IQGAP2: variants seen among roughly 807,000 people sequenced by gnomAD.
IQGAP2 encodes ras GTPase-activating-like protein IQGAP2.
A neutral mutation model predicts 201.3 loss-of-function variants in IQGAP2; 173 were observed. The ratio of observed to expected loss-of-function variants is 0.86; its 90% confidence interval spans 0.76 to 0.98. The LOEUF (loss-of-function observed/expected upper bound fraction) is 0.98, where lower values mean the gene tolerates loss of function less well. Ranked by LOEUF, IQGAP2 falls within the 50% of genes least tolerant of loss-of-function variation. The probability of loss-of-function intolerance (pLI) is 0.00; values close to 1 mark genes in which losing one functional copy is unlikely to be tolerated. For synonymous variants in IQGAP2, 675 were observed against 673.9 expected (o/e 1.00, Z -0.03); for missense variants, 1,687 against 1,864.8 (o/e 0.90, Z 1.76).
At chr5:76,565,792 T>C (rs1006889936) in intron 3 of IQGAP2, among the ~76,000 whole-genome samples, 3 of 152,200 alleles carry the variant, frequency 2.0e-5, no homozygotes, top group African/African-American at 7.2e-5. Flanking sequence ...ATACTCAGTA[T>C]GCTGAGTGTG....
intron 29 of IQGAP2, 25 bp from the exon 30 acceptor site, chr5:76,683,751 A>T: frequency 6.3e-7 from 1 of 1,595,666 alleles, no homozygotes; most frequent in Non-Finnish European, 8.5e-7. Flanking sequence ...AATTGGAAAA[A>T]TAACACTAGG....
intron 2 of IQGAP2, among the ~76,000 whole-genome samples, chr5:76,501,070 T>C (rs1490777671): frequency 6.6e-6 from 1 of 151,162 alleles, no homozygotes; most frequent in Non-Finnish European, 1.5e-5. Context: ...GACCATTAAA[T>C]GTGATGATGA....
chr5:76,514,513 A>T (rs1245444719), intron 2 of IQGAP2, among the ~76,000 whole-genome samples: 1 of 152,122 alleles, frequency 6.6e-6, no homozygotes, highest in Non-Finnish European at 1.5e-5. Flanking sequence ...ACCTCCTGCC[A>T]TCAGATTAAT....
intron 2 of IQGAP2, among the ~76,000 whole-genome samples, chr5:76,502,961 T>C (rs1280462412): frequency 2.0e-5 from 3 of 151,318 alleles, no homozygotes; most frequent in Non-Finnish European, 4.4e-5. Flanking sequence ...CCCAGGCTAG[T>C]CTTGAACTGC....
chr5:76,564,341 C>A (rs1397815325), intron 3 of IQGAP2, among the ~76,000 whole-genome samples: 1 of 152,158 alleles, frequency 6.6e-6, no homozygotes, highest in African/African-American at 2.4e-5. Flanking sequence ...TCAGTACCAA[C>A]ACGTATGTAG....
chr5:76,675,812 C>G (rs1438071755), intron 27 of IQGAP2, among the ~76,000 whole-genome samples: 1 of 152,018 alleles, frequency 6.6e-6, no homozygotes, highest in East Asian at 1.9e-4. Context: ...GCCCCAAATC[C>G]TCCTACTACA....
chr5:76,618,909 C>T (rs1749304006), intron 13 of IQGAP2, among the ~76,000 whole-genome samples: 1 of 152,070 alleles, frequency 6.6e-6, no homozygotes, highest in African/African-American at 2.4e-5. Flanking sequence ...AAAAACAGCC[C>T]ATCAGAACAT....
intron 2 of IQGAP2, among the ~76,000 whole-genome samples, chr5:76,507,965 T>TG (rs1757706828): frequency 7.2e-6 from 1 of 138,280 alleles, no homozygotes; most frequent in Non-Finnish European, 1.5e-5. Context: ...ATCGCGCCAC[T>TG]GCACCCCAGC....
chr5:76,570,367 G>C (rs1429918161), intron 3 of IQGAP2, among the ~76,000 whole-genome samples: 1 of 152,152 alleles, frequency 6.6e-6, no homozygotes, highest in Non-Finnish European at 1.5e-5. Flanking sequence ...TCAAACGTGT[G>C]AATTATGGAA....
chr5:76,515,753 GT>G (rs1174952377), intron 2 of IQGAP2, among the ~76,000 whole-genome samples: 1 of 151,494 alleles, frequency 6.6e-6, no homozygotes, highest in Non-Finnish European at 1.5e-5. Flanking sequence ...AAATAAAGTA[GT>G]TTTTTTGTTT....
intron 15 of IQGAP2, 57 bp from the exon 16 acceptor site, chr5:76,636,977 A>G (rs1415382326): frequency 3.3e-5 from 45 of 1,355,574 alleles, no homozygotes; most frequent in Non-Finnish European, 4.5e-5. Flanking sequence ...AAGAAACTAC[A>G]CTAATGTTTA....
At chr5:76,538,281 G>A (rs189226729) in intron 2 of IQGAP2, among the ~76,000 whole-genome samples, 141 of 152,270 alleles carry the variant, frequency 9.3e-4, no homozygotes, top group African/African-American at 2.7e-3. Flanking sequence ...CCACTGGGTC[G>A]CTCCCACGAC....
At chr5:76,425,592 TGTA>T (rs1352008667) in intron 1 of IQGAP2, among the ~76,000 whole-genome samples, 8 of 152,188 alleles carry the variant, frequency 5.3e-5, no homozygotes, top group Admixed American at 5.2e-4. Flanking sequence ...TTTCCTGTTC[TGTA>T]GTCTTCATTT....
At chr5:76,442,931 A>T (rs570614560) in intron 1 of IQGAP2, among the ~76,000 whole-genome samples, 35 of 152,280 alleles carry the variant, frequency 2.3e-4, no homozygotes, top group African/African-American at 8.4e-4. Flanking sequence ...AGGTTGCAAT[A>T]AGGCAAGATC....
chr5:76,512,540 C>T (rs193215842), intron 2 of IQGAP2, among the ~76,000 whole-genome samples: 326 of 152,308 alleles, frequency 2.1e-3, no homozygotes, highest in Non-Finnish European at 3.8e-3. Context: ...AGAAACCAAA[C>T]TCTGAAGTGT....
intron 2 of IQGAP2, among the ~76,000 whole-genome samples, chr5:76,522,549 T>C (rs1561436209): frequency 6.6e-6 from 1 of 152,190 alleles, no homozygotes; most frequent in African/African-American, 2.4e-5. Context: ...GATGTTTATA[T>C]TTATTTCTTT....
chr5:76,471,242 G>T (rs1413523321), intron 2 of IQGAP2, among the ~76,000 whole-genome samples: 2 of 151,932 alleles, frequency 1.3e-5, no homozygotes, highest in Non-Finnish European at 2.9e-5. Flanking sequence ...GAATGGGACT[G>T]CTATTGTGTC....
chr5:76,477,046 G>A (rs996247741), intron 2 of IQGAP2, among the ~76,000 whole-genome samples: 8 of 152,114 alleles, frequency 5.3e-5, no homozygotes, highest in Non-Finnish European at 8.8e-5. Context: ...TTTATGATCC[G>A]TTAAAACATT....
rs1393612064 is a variant in IQGAP2 at position 76,403,510 on chromosome 5, G to C, written c.-36G>C. 3 of 1,448,050 alleles carry C rather than the reference G, an allele frequency of 2.1e-6. No homozygotes were observed. Among genetic ancestry groups the C allele is most frequent in the Non-Finnish European group, 2.7e-6 (3 of 1,107,512 alleles). 89.7% of individuals were successfully genotyped at this position (1,448,050 alleles called of 1,614,324 possible). Reference sequence around the variant, plus strand: ...CCTGGCCAGCGAGGGTAGCCGCGGGGGGCGCGCCCCGGGCGGGCCCCCGGA... The same window carrying C: ...CCTGGCCAGCGAGGGTAGCCGCGGGCGGCGCGCCCCGGGCGGGCCCCCGGA... On this transcript the variant is annotated 5_prime_UTR_variant, in exon 1 of 36. Transcript: ENST00000274364. The surrounding 1 kb of genome is among the most constrained non-coding windows in gnomAD (Gnocchi z 4.8).
Sources: gnomAD v4.1 joint callset for allele counts (sites outside exome capture counted in the v4.1 genomes callset) on GRCh38, gnomAD v4.1.1 for gene constraint, Gnocchi (gnomAD v3.1) non-coding constraint, MANE v1.5 for transcripts, NCBI Gene and HGNC (gene_info 2026-07-23, HGNC 2026-07-21) for gene names.